The following NBEA variants were observed in gnomAD, a reference collection of about 807,000 sequenced individuals.
The protein encoded by NBEA is neurobeachin, also known as lysosomal-trafficking regulator 2.
NBEA carries 44 observed loss-of-function variants against 343.4 expected under a neutral mutation model. The ratio of observed to expected loss-of-function variants is 0.13; its 90% confidence interval spans 0.10 to 0.16. The LOEUF (loss-of-function observed/expected upper bound fraction) is 0.16, where lower values mean the gene tolerates loss of function less well. NBEA is among the 10% of genes least tolerant of loss of function. NBEA has a pLI of 1.00. For missense variants in NBEA, 2,555 were observed against 3,631.3 expected (o/e 0.70, Z 7.62); for synonymous variants, 1,175 against 1,238.7 (o/e 0.95, Z 1.08).
intron 39 of NBEA, among the ~76,000 whole-genome samples, chr13:35,435,274 A>G (rs1029495435): frequency 6.6e-6 from 1 of 152,050 alleles, no homozygotes; most frequent in Non-Finnish European, 1.5e-5. Flanking sequence ...CGGTCTCCCA[A>G]AGTGCTGGGA....
At chr13:35,463,124 C>T (rs9573963) in intron 40 of NBEA, among the ~76,000 whole-genome samples, 30,773 of 152,014 alleles carry the variant, frequency 0.2, 3,264 homozygotes, top group South Asian at 0.33. Flanking sequence ...GTTTAAAGGG[C>T]AGCCAATGAA....
At chr13:35,220,665 A>T (rs2074312380) in intron 33 of NBEA, among the ~76,000 whole-genome samples, 1 of 152,086 alleles carries the variant, frequency 6.6e-6, no homozygotes, top group Non-Finnish European at 1.5e-5. Flanking sequence ...TTGGGAGTTG[A>T]TAAGTTTTAC....
intron 34 of NBEA, among the ~76,000 whole-genome samples, chr13:35,269,024 G>A (rs2033918568): frequency 6.6e-6 from 1 of 152,008 alleles, no homozygotes; most frequent in South Asian, 2.1e-4. Context: ...TAAGAAAATG[G>A]TTTTCAAGCA....
intron 40 of NBEA, among the ~76,000 whole-genome samples, chr13:35,459,511 A>G (rs74041746): frequency 0.048 from 7,304 of 152,142 alleles, 350 homozygotes; most frequent in African/African-American, 0.12. Context: ...AAAGTCCTCA[A>G]GAGAATTAGC....
intron 40 of NBEA, among the ~76,000 whole-genome samples, chr13:35,462,133 G>A (rs2046940185): frequency 6.6e-6 from 1 of 152,168 alleles, no homozygotes; most frequent in South Asian, 2.1e-4. Context: ...GAATGTGGTT[G>A]TCCCACCAAA....
chr13:35,141,294 A>G (rs1310999540), intron 17 of NBEA, among the ~76,000 whole-genome samples: 2 of 152,008 alleles, frequency 1.3e-5, no homozygotes, highest in African/African-American at 4.8e-5. Flanking sequence ...CTTGAGATGG[A>G]GTCTCACTCT....
intron 33 of NBEA, among the ~76,000 whole-genome samples, chr13:35,224,938 G>C (rs1002484114): frequency 6.6e-6 from 1 of 152,100 alleles, no homozygotes; most frequent in East Asian, 1.9e-4. Flanking sequence ...GTCTGGAATT[G>C]AGCAGGGTTT....
chr13:34,995,705 AACT>A (rs2060916903), intron 1 of NBEA, among the ~76,000 whole-genome samples: 1 of 152,208 alleles, frequency 6.6e-6, no homozygotes, highest in Admixed American at 6.5e-5. Context: ...CAGATGCTGT[AACT>A]AATAAACTCA....
At chr13:35,302,954 T>C (rs2036647894) in intron 35 of NBEA, among the ~76,000 whole-genome samples, 1 of 152,164 alleles carries the variant, frequency 6.6e-6, no homozygotes, top group Non-Finnish European at 1.5e-5. Context: ...AGCCAGCTGG[T>C]GTTAAACTCC....
chr13:35,208,412 A>G (rs1033903734), intron 31 of NBEA, among the ~76,000 whole-genome samples: 4 of 152,134 alleles, frequency 2.6e-5, no homozygotes, highest in South Asian at 2.1e-4. Flanking sequence ...AAATTTCTTA[A>G]TATTCCCAGA....
chr13:35,107,379 G>A (rs543135856), intron 11 of NBEA, among the ~76,000 whole-genome samples: 2 of 151,700 alleles, frequency 1.3e-5, no homozygotes, highest in Admixed American at 1.3e-4. Flanking sequence ...GAATTTTGTA[G>A]GCTATTGCTT....
At chr13:35,039,975 T>C (rs1207237145) in intron 1 of NBEA, among the ~76,000 whole-genome samples, 1 of 152,202 alleles carries the variant, frequency 6.6e-6, no homozygotes, top group Non-Finnish European at 1.5e-5. Context: ...TAGTGCATGG[T>C]TTTTATCTTG....
At chr13:35,626,781 C>T (rs867471696) in intron 48 of NBEA, among the ~76,000 whole-genome samples, 1 of 151,190 alleles carries the variant, frequency 6.6e-6, no homozygotes, top group African/African-American at 2.4e-5. Context: ...TTCTTTCAGA[C>T]TCATTTCCTG....
intron 17 of NBEA, among the ~76,000 whole-genome samples, chr13:35,134,202 A>C (rs2067589664): frequency 1.3e-5 from 2 of 152,070 alleles, no homozygotes; most frequent in Non-Finnish European, 2.9e-5. Flanking sequence ...GATAAAATAG[A>C]ATAATGGTAG....
At chr13:35,043,385 T>A (rs1372080570) in intron 2 of NBEA, among the ~76,000 whole-genome samples, 6 of 151,938 alleles carry the variant, frequency 3.9e-5, no homozygotes, top group Admixed American at 2.6e-4. Context: ...AAAGTTTTTT[T>A]AAAAGTATTT....
chr13:35,480,230 A>G (rs1478822831), intron 41 of NBEA, among the ~76,000 whole-genome samples: 2 of 152,080 alleles, frequency 1.3e-5, no homozygotes, highest in African/African-American at 4.8e-5. Flanking sequence ...ACTTGTCTCC[A>G]CTTCTGCAGA....
At chr13:34,959,383 G>A (rs573887128) in intron 1 of NBEA, among the ~76,000 whole-genome samples, 24 of 152,008 alleles carry the variant, frequency 1.6e-4, no homozygotes, top group Admixed American at 2.0e-4. Flanking sequence ...TGGAGGTGCA[G>A]TCTTTCAATA....
chr13:35,132,217 G>C (rs1455838009), intron 17 of NBEA, among the ~76,000 whole-genome samples: 1 of 152,060 alleles, frequency 6.6e-6, no homozygotes, highest in Non-Finnish European at 1.5e-5. Flanking sequence ...GAGTATAGTG[G>C]CACGATCTCC....
chr13:35,375,492 A>G, intron 38 of NBEA, among the ~76,000 whole-genome samples: 1 of 152,102 alleles, frequency 6.6e-6, no homozygotes. Flanking sequence ...TCAATCCTCA[A>G]TTTTTGACTC....
Sources: allele counts gnomAD v4.1 joint callset (sites outside exome capture counted in the v4.1 genomes callset), GRCh38; gene constraint gnomAD v4.1.1; transcripts MANE v1.5; gene names NCBI Gene and HGNC (gene_info 2026-07-23, HGNC 2026-07-21).